DLG2: variants seen among roughly 807,000 people sequenced by gnomAD.
DLG2 encodes the protein discs large MAGUK scaffold protein 2, also known as disks large homolog 2.
Under a neutral mutation model 132.5 loss-of-function variants are expected in DLG2, and 45 were observed. The ratio of observed to expected loss-of-function variants is 0.34; its 90% CI spans 0.27 to 0.44. The LOEUF (loss-of-function observed/expected upper bound fraction) is 0.44. Among genes scored for constraint, DLG2 ranks in the 20% least tolerant of loss-of-function variants. The pLI, the probability that DLG2 is intolerant of heterozygous loss-of-function variation, is 1.00. For missense variants in DLG2, 1,045 were observed against 1,196.9 expected (o/e 0.87, Z 1.87); for synonymous variants, 424 against 419.6 (o/e 1.01, Z -0.13).
chr11:83,722,023 G>GAAGAAAAA (rs961207532), intron 18 of DLG2, among the ~76,000 whole-genome samples: 2 of 152,052 alleles, frequency 1.3e-5, no homozygotes, highest in African/African-American at 4.8e-5. Flanking sequence ...TGACTGACAA[G>GAAGAAAAA]AAGAAAAAGG....
Position 84,086,737 on chromosome 11 carries a change from G to T in DLG2, c.749+12186C>A, listed in dbSNP as rs113374369. ...ACTCCTGTGCTCAAGCAATCTGCCC[G>T]CCTTAGCCTCCCAAGGTGCTGGGAC... is the stretch of plus-strand genomic sequence containing the variant. On this transcript the variant is annotated intron_variant, in intron 10 of 27. Coordinates refer to ENST00000376104, the MANE Select transcript of DLG2 (RefSeq NM_001142699.3). Among the ~76,000 whole-genome samples, 709 of 152,120 alleles carry T rather than the reference G, an allele frequency of 4.7e-3. 5 individuals carry two copies. The highest frequency in any genetic ancestry group is 0.016 in the African/African-American group (658 of 41,496).
chr11:84,090,477 A>G (rs2154169085), intron 10 of DLG2, among the ~76,000 whole-genome samples: 1 of 152,180 alleles, frequency 6.6e-6, no homozygotes, highest in South Asian at 2.1e-4. Context: ...ACTCTAGAAG[A>G]CAAAACACAA....
intron 19 of DLG2, among the ~76,000 whole-genome samples, chr11:83,543,430 A>G (rs1037531589): frequency 6.6e-6 from 1 of 152,208 alleles, no homozygotes; most frequent in African/African-American, 2.4e-5. Context: ...ACACATATGC[A>G]GCATTAAGCC....
At chr11:84,867,917 A>G (rs2084844301) in intron 6 of DLG2, among the ~76,000 whole-genome samples, 1 of 151,998 alleles carries the variant, frequency 6.6e-6, no homozygotes, top group Non-Finnish European at 1.5e-5. Context: ...TACTAAAAAT[A>G]CAAAAAATTA....
intron 7 of DLG2, among the ~76,000 whole-genome samples, chr11:84,318,834 C>T (rs2098385025): frequency 6.6e-6 from 1 of 152,098 alleles, no homozygotes. Context: ...TTTCTCTAAG[C>T]ACCTTTCACA....
chr11:84,369,303 C>A (rs544495036), intron 7 of DLG2, among the ~76,000 whole-genome samples: 1 of 152,182 alleles, frequency 6.6e-6, no homozygotes, highest in African/African-American at 2.4e-5. Flanking sequence ...ATTTTTTAAA[C>A]CACTGTGCTA....
At chr11:85,266,062 C>A (rs1316611107) in intron 4 of DLG2, among the ~76,000 whole-genome samples, 1 of 152,256 alleles carries the variant, frequency 6.6e-6, no homozygotes, top group Non-Finnish European at 1.5e-5. Context: ...CCACTCCATG[C>A]AACGAGGCAA....
At chr11:85,562,659 C>CA (rs1280738512) in intron 3 of DLG2, among the ~76,000 whole-genome samples, 3 of 151,584 alleles carry the variant, frequency 2.0e-5, no homozygotes, top group Non-Finnish European at 4.4e-5. Flanking sequence ...TTCTCCAGTT[C>CA]AAAAATGGCC....
intron 6 of DLG2, among the ~76,000 whole-genome samples, chr11:85,110,896 C>T (rs1221902659): frequency 2.0e-5 from 3 of 152,080 alleles, no homozygotes; most frequent in Non-Finnish European, 2.9e-5. Flanking sequence ...CTCCATCATA[C>T]ACAAATTATT....
At chr11:84,905,863 C>T (rs2091447250) in intron 6 of DLG2, among the ~76,000 whole-genome samples, 1 of 152,154 alleles carries the variant, frequency 6.6e-6, no homozygotes, top group African/African-American at 2.4e-5. Flanking sequence ...TCCCCAAAGT[C>T]TGGATTTTGT....
intron 19 of DLG2, among the ~76,000 whole-genome samples, chr11:83,609,875 G>A (rs1274771191): frequency 2.6e-5 from 4 of 152,154 alleles, no homozygotes; most frequent in Non-Finnish European, 5.9e-5. Context: ...CTTGGGCAAA[G>A]GCAGCCACAT....
rs552684908 is a variant in DLG2 at position 84,691,808 on chromosome 11, T to C, written c.358-157077A>G. On this transcript the variant is annotated intron_variant, in intron 6 of 27. Transcript: ENST00000376104. Reference sequence around the variant, plus strand: ...TCAACACTGATTGAAATAGTTACCATTTTTAAAAATGCAATCAACTTAGCA... The same window carrying C: ...TCAACACTGATTGAAATAGTTACCACTTTTAAAAATGCAATCAACTTAGCA... 2.6e-5 allele frequency among the ~76,000 whole-genome samples: 4 copies of C among 151,900 alleles called. No individual in the cohort carries two copies. In the East Asian group the frequency reaches 7.8e-4, roughly 30 times the overall value.
intron 16 of DLG2, among the ~76,000 whole-genome samples, chr11:83,852,244 C>T (rs1398068738): frequency 1.3e-5 from 2 of 152,150 alleles, no homozygotes; most frequent in African/African-American, 4.8e-5. Context: ...CTACGTGAGC[C>T]AATGCACAAA....
At chr11:84,804,266 G>C (rs535531016) in intron 6 of DLG2, among the ~76,000 whole-genome samples, 1 of 152,190 alleles carries the variant, frequency 6.6e-6, no homozygotes, top group African/African-American at 2.4e-5. Context: ...AGAATTTGTA[G>C]CTTGGAATGA....
In DLG2 at chr11:83,785,079, G is replaced by T. The variant is rs977989715; in HGVS notation, c.1825+1611C>A. On this transcript the variant is annotated intron_variant, in intron 18 of 27. Transcript: ENST00000376104. ...GGATACTTATTTTTTTTTTGAGATG[G>T]AGTCTTGCTCTGTCACCCAGGCCAG... Among the ~76,000 whole-genome samples, 6 of 151,458 alleles carry T rather than the reference G, an allele frequency of 4.0e-5. No individual in the cohort carries two copies. The South Asian group carries it at 6.3e-4, about 16-fold the overall frequency.
At chr11:84,001,221 T>C (rs1009906947) in intron 11 of DLG2, among the ~76,000 whole-genome samples, 1 of 147,618 alleles carries the variant, frequency 6.8e-6, no homozygotes, top group South Asian at 2.1e-4. Flanking sequence ...TAAAAACACA[T>C]GAAGACACAA....
Position 83,532,725 on chromosome 11 carries a change from C to T in DLG2, c.2176G>A (p.Val726Met), listed in dbSNP as rs1406898145. ...KTVKFNAKPG[V>M]IDSKGSFNDK... The stretch of plus-strand genomic sequence containing the variant: ...GTACCTACCCCTTTCGAATCAATCA[C>T]TCCAGGTTTGGCATTAAACTTCACT... The change falls in exon 21 of 28, where the codon GTG becomes ATG. Residue 726 changes from valine (V) to methionine (M), a missense_variant. Transcript: ENST00000376104. 6.2e-7 allele frequency: 1 copy of T among 1,613,280 alleles called. No homozygotes were observed. The highest frequency in any genetic ancestry group is 8.5e-7 in the Non-Finnish European group (1 of 1,179,552).
At chr11:84,706,490 T>G (rs182472244) in intron 6 of DLG2, among the ~76,000 whole-genome samples, 19 of 151,872 alleles carry the variant, frequency 1.3e-4, no homozygotes, top group South Asian at 1.2e-3. Context: ...CAATTCAACA[T>G]AGAATTAGAT....
chr11:84,536,697 G>C (rs2099356346), intron 6 of DLG2, among the ~76,000 whole-genome samples: 1 of 152,138 alleles, frequency 6.6e-6, no homozygotes, highest in Non-Finnish European at 1.5e-5. Flanking sequence ...CATCTATGTT[G>C]TCATCTGAGC....
Sources: gnomAD v4.1 joint callset for allele counts (sites outside exome capture counted in the v4.1 genomes callset) on GRCh38, gnomAD v4.1.1 for gene constraint, MANE v1.5 for transcripts, NCBI Gene and HGNC (gene_info 2026-07-23, HGNC 2026-07-21) for gene names.